The following AOPEP variants were observed in gnomAD, a reference collection of about 807,000 sequenced individuals.
The protein encoded by AOPEP is aminopeptidase O (putative), also known as aminopeptidase O.
AOPEP carries 77 observed loss-of-function variants against 98.1 expected under a neutral mutation model. That is an observed-to-expected ratio of 0.78 (90% confidence interval 0.65 to 0.95). AOPEP has a LOEUF of 0.95. AOPEP is among the 40% of genes least tolerant of loss of function. The pLI, the probability that AOPEP is intolerant of heterozygous loss-of-function variation, is 0.00. For synonymous variants in AOPEP, 346 were observed against 365.3 expected (o/e 0.95, Z 0.60); for missense variants, 1,024 against 1,024.7 (o/e 1.00, Z 0.01).
At chr9:94,914,813 C>T (rs776902772) in intron 5 of AOPEP, among the ~76,000 whole-genome samples, 5 of 152,182 alleles carry the variant, frequency 3.3e-5, no homozygotes, top group Non-Finnish European at 7.3e-5. Flanking sequence ...AATGCAGGTT[C>T]CTAGGCCCTA....
intron 5 of AOPEP, among the ~76,000 whole-genome samples, chr9:94,874,566 G>T (rs2046708187): frequency 6.6e-6 from 1 of 152,128 alleles, no homozygotes. Context: ...AAGGTATGCG[G>T]ATGCTTTTTT....
At chr9:94,748,080 A>G (rs1433335782) in intron 1 of AOPEP, among the ~76,000 whole-genome samples, 1 of 152,216 alleles carries the variant, frequency 6.6e-6, no homozygotes, top group Non-Finnish European at 1.5e-5. Context: ...AAGACTTTCT[A>G]ATAAATTAAT....
At chr9:94,933,459 C>T (rs370791561) in intron 7 of AOPEP, 28 of 985,246 alleles carry the variant, frequency 2.8e-5, no homozygotes, top group African/African-American at 1.6e-4. Context: ...TAAAATGTAT[C>T]GCTTTAAGGA....
rs150094940 is a variant in AOPEP at position 94,859,027 on chromosome 9, C to CAAAAAAAA, written c.1364+58027_1364+58034dup. Among the ~76,000 whole-genome samples, 357 of 132,800 alleles carry CAAAAAAAA rather than the reference C, an allele frequency of 2.7e-3. 45 individuals carry two copies. The highest frequency in any genetic ancestry group is 3.9e-3 in the Admixed American group (52 of 13,254). The allele number at this position is 132,800 out of a possible 152,430, so 87.1% of individuals were successfully genotyped here. A position where few individuals can be genotyped will look rare whatever the true frequency, so the allele number is the denominator to read the frequency against. On this transcript the variant is annotated intron_variant, in intron 5 of 16. Transcript: ENST00000375315. ...TGGGCGACAGAGCGAGACTCCATTT[C>CAAAAAAAA]AAAAAAAAAGAAGACCTGGAAGTGG...
At chr9:94,799,420 G>T (rs918423762) in intron 4 of AOPEP, among the ~76,000 whole-genome samples, 1 of 149,836 alleles carries the variant, frequency 6.7e-6, no homozygotes, top group Non-Finnish European at 1.5e-5. Context: ...AAAAAAAAAA[G>T]GCTGGATGTG....
intron 5 of AOPEP, among the ~76,000 whole-genome samples, chr9:94,806,127 A>G (rs1849217127): frequency 1.3e-5 from 2 of 152,214 alleles, no homozygotes; most frequent in Admixed American, 1.3e-4. Flanking sequence ...AGATGCAGCC[A>G]TAGTGATTCT....
the AOPEP span, among the ~76,000 whole-genome samples, chr9:95,115,021 G>A: frequency 1.5e-4 from 23 of 152,280 alleles, no homozygotes; most frequent in African/African-American, 4.3e-4. Context: ...GTTCACTGCA[G>A]CCCCAACCTC....
At chr9:94,783,366 G>A (rs777985940) in intron 3 of AOPEP, among the ~76,000 whole-genome samples, 10 of 152,194 alleles carry the variant, frequency 6.6e-5, no homozygotes, top group Non-Finnish European at 1.3e-4. Context: ...GCAAAGTGGT[G>A]GCCTGACCTG....
chr9:94,863,102 T>G (rs1336682984), intron 5 of AOPEP, among the ~76,000 whole-genome samples: 2 of 152,090 alleles, frequency 1.3e-5, no homozygotes, highest in Admixed American at 1.3e-4. Context: ...TTTCCTTCTT[T>G]CCCCATATGA....
chr9:94,745,068 G>A (rs980776888), intron 1 of AOPEP, among the ~76,000 whole-genome samples: 1 of 152,054 alleles, frequency 6.6e-6, no homozygotes, highest in African/African-American at 2.4e-5. Context: ...TTATTTCCTT[G>A]TGTTACGAAT....
chr9:95,042,769 C>T (rs2065450986), intron 13 of AOPEP, among the ~76,000 whole-genome samples: 1 of 152,160 alleles, frequency 6.6e-6, no homozygotes, highest in Non-Finnish European at 1.5e-5. Flanking sequence ...TATATGGACA[C>T]TTATGCTTAC....
chr9:95,042,359 A>C (rs7046845), intron 13 of AOPEP, among the ~76,000 whole-genome samples: 15,492 of 149,666 alleles, frequency 0.1, 893 homozygotes, highest in East Asian at 0.17. Context: ...TACATAAATA[A>C]ATAAATAAAA....
chr9:94,898,811 C>T (rs2049952515), intron 5 of AOPEP, among the ~76,000 whole-genome samples: 1 of 151,192 alleles, frequency 6.6e-6, no homozygotes. Flanking sequence ...GGCGTGGTGG[C>T]AGGCGCTTGT....
At chr9:94,741,833 A>G (rs1587989214) in intron 1 of AOPEP, among the ~76,000 whole-genome samples, 1 of 152,306 alleles carries the variant, frequency 6.6e-6, no homozygotes, top group East Asian at 1.9e-4. Flanking sequence ...CCAGGCTGAT[A>G]GAACAACCAA....
chr9:94,885,422 A>G (rs916199659), intron 5 of AOPEP, among the ~76,000 whole-genome samples: 2 of 149,342 alleles, frequency 1.3e-5, no homozygotes, highest in African/African-American at 4.9e-5. Flanking sequence ...TTTTGTACTG[A>G]AAAATACAAA....
intron 8 of AOPEP, 68 bp downstream of exon 8, chr9:94,955,347 A>C: frequency 1.1e-6 from 1 of 925,198 alleles, no homozygotes; most frequent in Non-Finnish European, 1.7e-6. Flanking sequence ...ACAATTAAAC[A>C]ATGATGATTA....
intron 13 of AOPEP, among the ~76,000 whole-genome samples, chr9:95,053,348 A>G (rs1340705437): frequency 6.6e-6 from 1 of 152,250 alleles, no homozygotes; most frequent in Non-Finnish European, 1.5e-5. Flanking sequence ...ATTGAACCAT[A>G]GTTTACATTT....
chr9:94,945,915 C>A (rs1396816193), intron 7 of AOPEP, among the ~76,000 whole-genome samples: 1 of 151,872 alleles, frequency 6.6e-6, no homozygotes, highest in Non-Finnish European at 1.5e-5. Context: ...TTCCTGTGTT[C>A]TGAATGTGTA....
rs184837678 is a variant in AOPEP at position 94,855,687 on chromosome 9, G to A, written c.1364+54685G>A. 1.6e-3 allele frequency among the ~76,000 whole-genome samples: 250 copies of A among 152,032 alleles called. 2 individuals carry two copies. Among genetic ancestry groups the A allele is most frequent in the African/African-American group, 5.8e-3 (239 of 41,478 alleles). On this transcript the variant is annotated intron_variant, in intron 5 of 16. Transcript: ENST00000375315. Reference sequence around the variant, plus strand: ...GCCTGGGCAACAAGAACGAAACTCTGTCTCAAAAAATAAAAAAAAGAAAAA... The same window carrying A: ...GCCTGGGCAACAAGAACGAAACTCTATCTCAAAAAATAAAAAAAAGAAAAA...
Sources: allele counts gnomAD v4.1 joint callset (sites outside exome capture counted in the v4.1 genomes callset), GRCh38; gene constraint gnomAD v4.1.1; transcripts MANE v1.5; gene names NCBI Gene and HGNC (gene_info 2026-07-23, HGNC 2026-07-21).